DIAPH1: variants seen among roughly 807,000 people sequenced by gnomAD.
DIAPH1 encodes the protein diaphanous related formin 1.
A neutral mutation model predicts 140.7 loss-of-function variants in DIAPH1; 46 were observed. That is an observed-to-expected ratio of 0.33 (90% CI 0.26 to 0.42). DIAPH1 has a LOEUF of 0.42. Ranked by LOEUF, DIAPH1 falls within the 10% of genes least tolerant of loss-of-function variation. The pLI, the probability that DIAPH1 is intolerant of heterozygous loss-of-function variation, is 1.00. For missense variants in DIAPH1, 1,310 were observed against 1,558.7 expected (o/e 0.84, Z 2.69); for synonymous variants, 565 against 551.6 (o/e 1.02, Z -0.34).
Position 141,516,731 on chromosome 5 carries a change from G to A in DIAPH1, c.*120C>T, listed in dbSNP as rs2099885744. The A allele has an allele frequency of 2.8e-6, 3 of 1,061,220 alleles. No individual in the cohort carries two copies. The Admixed American group carries it at 5.7e-5, about 20-fold the overall frequency. 65.7% of individuals were successfully genotyped at this position (1,061,220 alleles called of 1,614,324 possible). The stretch of plus-strand genomic sequence containing the variant: ...GAGCAGCAGGCCAGAGAGAAAGACA[G>A]GGTCAGGGTGGTGGGAGTGGCCACC... On this transcript the variant is annotated 3_prime_UTR_variant, in exon 28 of 28. Coordinates refer to ENST00000389054, the MANE Select transcript of DIAPH1 (RefSeq NM_005219.5).
At chr5:141,527,512 C>A in intron 24 of DIAPH1, 61 bp downstream of exon 24, 1 of 1,584,100 alleles carries the variant, frequency 6.3e-7, no homozygotes, top group Non-Finnish European at 8.6e-7. Context: ...GTTTTTCCCC[C>A]ACTACAGGAA....
At chr5:141,581,736 G>C (rs1361136496) in intron 7 of DIAPH1, among the ~76,000 whole-genome samples, 1 of 152,086 alleles carries the variant, frequency 6.6e-6, no homozygotes, top group Non-Finnish European at 1.5e-5. Flanking sequence ...CTACAGGTCA[G>C]GAAATTCAAG....
rs763833539 is a variant in DIAPH1, at chr5:141,575,099, T to C, written c.1509A>G (p.Lys503=). 1 of 1,614,210 alleles carries C rather than the reference T, an allele frequency of 6.2e-7. No homozygotes were observed. Among genetic ancestry groups the C allele is most frequent in the Admixed American group, 1.7e-5 (1 of 60,014 alleles). The change falls in exon 15 of 28, where the codon AAA becomes AAG. Residue 503 remains lysine (K), a synonymous_variant. Transcript: ENST00000389054. The part of the protein sequence containing the change: ...TARHELQVEM[K]KMESDFEQKL... ...TCTGCTCAAAGTCACTTTCCATCTTTTTCATTTCCACCTGTAGCTCATGTC... is the reference window on the plus strand; with the variant it reads ...TCTGCTCAAAGTCACTTTCCATCTTCTTCATTTCCACCTGTAGCTCATGTC...
chr5:141,533,337 G>C lies in DIAPH1; in HGVS notation c.2581+998C>G, dbSNP rs368498745. Among the ~76,000 whole-genome samples the C allele has an allele frequency of 2.9e-4, 44 of 152,268 alleles. No homozygotes were observed. In the South Asian group the frequency reaches 7.5e-3, roughly 26 times the overall value. The stretch of plus-strand genomic sequence containing the variant: ...AGAACAAAAATTTAACATTTGTCCT[G>C]ATCATCAAATAAGTACTACCTATAT... On this transcript the variant is annotated intron_variant, in intron 19 of 27. Coordinates refer to ENST00000389054, the MANE Select transcript of DIAPH1 (RefSeq NM_005219.5).
intron 18 of DIAPH1, among the ~76,000 whole-genome samples, chr5:141,538,745 A>G (rs756033905): frequency 6.6e-6 from 1 of 151,914 alleles, no homozygotes; most frequent in Non-Finnish European, 1.5e-5. Flanking sequence ...CCTGGCTAAC[A>G]TTTATATTTC....
chr5:141,577,709 G>A, intron 11 of DIAPH1, 118 bp from the exon 12 acceptor site: 1 of 746,420 alleles, frequency 1.3e-6, no homozygotes, highest in Non-Finnish European at 2.4e-6. Flanking sequence ...CCATTCTACT[G>A]GCTGTTCTTC....
At chr5:141,517,097 G>A (rs1596330719) in intron 27 of DIAPH1, 89 bp from the exon 28 acceptor site, 4 of 1,513,774 alleles carry the variant, frequency 2.6e-6, no homozygotes, top group East Asian at 2.4e-5. Flanking sequence ...CGTAAGCCAT[G>A]CAGACATGAC....
chr5:141,578,468 G>C (rs1326714034), intron 10 of DIAPH1, 47 bp downstream of exon 10: 2 of 1,555,532 alleles, frequency 1.3e-6, no homozygotes, highest in Admixed American at 1.7e-5. Flanking sequence ...GGGCTGTAGA[G>C]CAAGAAGGAA....
intron 17 of DIAPH1, 60 bp from the exon 18 acceptor site, chr5:141,571,496 AG>A: frequency 6.8e-7 from 1 of 1,473,508 alleles, no homozygotes; most frequent in East Asian, 2.3e-5. Context: ...AATGGAAGGA[AG>A]AAAAGGAATC....
At chr5:141,589,327 C>T (rs539706120) in intron 1 of DIAPH1, among the ~76,000 whole-genome samples, 2 of 152,324 alleles carry the variant, frequency 1.3e-5, no homozygotes, top group East Asian at 3.9e-4. Flanking sequence ...GGCCGGCTGG[C>T]CACTCTGACA....
At chr5:141,579,277 A>G in intron 8 of DIAPH1, 81 bp from the exon 9 acceptor site, 1 of 999,516 alleles carries the variant, frequency 1.0e-6, no homozygotes, top group Non-Finnish European at 1.6e-6. Context: ...ACACAGGGGC[A>G]CAGACCGATT....
chr5:141,600,872 A>G lies in DIAPH1; in HGVS notation c.118-12622T>C, dbSNP rs148530170. Among the ~76,000 whole-genome samples, 482 of 152,372 alleles carry G rather than the reference A, an allele frequency of 3.2e-3. 3 individuals carry two copies. The highest frequency in any genetic ancestry group is 0.011 in the African/African-American group (449 of 41,592). On this transcript the variant is annotated intron_variant, in intron 1 of 27. Coordinates refer to ENST00000389054, the MANE Select transcript of DIAPH1 (RefSeq NM_005219.5). ...CAAAAATAACTAAAGGACTCACTCA[A>G]GCCAGGTTCTAAATATTTTATACTA...
intron 11 of DIAPH1, chr5:141,577,908 CCTCT>C (rs531538935): frequency 1.2e-3 from 613 of 507,814 alleles, no homozygotes; most frequent in Non-Finnish European, 2.0e-3. Flanking sequence ...TAAATTACTC[CCTCT>C]GTCAGTCCAA....
At chr5:141,534,996 T>G (rs114633152) in intron 18 of DIAPH1, among the ~76,000 whole-genome samples, 1,622 of 152,314 alleles carry the variant, frequency 0.011, 40 homozygotes, top group African/African-American at 0.037. Context: ...TCACCCAGGT[T>G]GGACTGCAGT....
chr5:141,593,416 T>C (rs1489418754), intron 1 of DIAPH1, among the ~76,000 whole-genome samples: 3 of 152,176 alleles, frequency 2.0e-5, no homozygotes, highest in African/African-American at 4.8e-5. Flanking sequence ...GCATAGTATA[T>C]ACTGAGACAC....
At chr5:141,617,880 C>A (rs1405926634) in intron 1 of DIAPH1, among the ~76,000 whole-genome samples, 1 of 152,216 alleles carries the variant, frequency 6.6e-6, no homozygotes, top group Non-Finnish European at 1.5e-5. Flanking sequence ...GCTTACTCTT[C>A]TACAGGCACG....
chr5:141,522,873 G>T (rs1019580621), intron 27 of DIAPH1, among the ~76,000 whole-genome samples: 1 of 152,162 alleles, frequency 6.6e-6, no homozygotes, highest in Admixed American at 6.5e-5. Flanking sequence ...TTTGACTCGG[G>T]AGCTTTCAGT....
chr5:141,589,796 C>G (rs1473845997), intron 1 of DIAPH1, among the ~76,000 whole-genome samples: 1 of 152,098 alleles, frequency 6.6e-6, no homozygotes, highest in East Asian at 1.9e-4. Flanking sequence ...ATACTTTACC[C>G]CTCCTGCCCC....
rs529638694 is a variant in DIAPH1, at chr5:141,573,430, G to A, written c.2358+62C>T. 188 of 1,416,612 alleles carry A rather than the reference G, an allele frequency of 1.3e-4. 1 individual carries two copies. The African/African-American group carries it at 2.0e-3, about 15-fold the overall frequency. 87.8% of individuals were successfully genotyped at this position (1,416,612 alleles called of 1,614,324 possible). ...AGCCTGGGCGACAGAGCGAAACTCC[G>A]TCTCAAAAAAAAAAAAAAAAAAAAA... On this transcript the variant is annotated intron_variant, in intron 16 of 27. Transcript: ENST00000389054.
Sources: gnomAD v4.1 joint callset for allele counts (sites outside exome capture counted in the v4.1 genomes callset) on GRCh38, gnomAD v4.1.1 for gene constraint, MANE v1.5 for transcripts, NCBI Gene and HGNC (gene_info 2026-07-23, HGNC 2026-07-21) for gene names.